The following PPM1F variants were observed in gnomAD, a reference collection of about 807,000 sequenced individuals.
The protein encoded by PPM1F is protein phosphatase, Mg2+/Mn2+ dependent 1F.
In PPM1F, 17 loss-of-function variants were observed where a neutral mutation model predicts 35.5. The observed-to-expected ratio is 0.48, with a 90% CI of 0.33 to 0.72. The LOEUF (loss-of-function observed/expected upper bound fraction) is 0.72, where lower values mean the gene tolerates loss of function less well. PPM1F is among the 30% of genes least tolerant of loss of function. The pLI is 0.02. For missense variants in PPM1F, 521 were observed against 613.0 expected, an observed-to-expected ratio of 0.85 and a Z score of 1.59; for synonymous variants, 241 against 255.5, an observed-to-expected ratio of 0.94 and a Z score of 0.54.
chr22:21,933,682 T>G, intron 4 of PPM1F, 103 bp from the exon 5 acceptor site: 1 of 1,113,824 alleles, frequency 9.0e-7, no homozygotes, highest in Admixed American at 2.2e-5. Flanking sequence ...AGAATCAGTA[T>G]GGCCTTCGCC....
intron 7 of PPM1F, chr22:21,925,115 G>C (rs192832458): frequency 1.1e-3 from 231 of 209,292 alleles, no homozygotes; most frequent in Middle Eastern, 3.3e-3. Flanking sequence ...GGCTGGTCTC[G>C]AACTCCCGAC....
chr22:21,939,373 C>T lies in PPM1F; in HGVS notation c.355+159G>A, dbSNP rs991359685. 1.0e-6 allele frequency: 1 copy of T among 961,620 alleles called. No homozygotes were observed. Among genetic ancestry groups the T allele is most frequent in the Non-Finnish European group, 1.5e-6 (1 of 651,848 alleles). 59.6% of individuals were successfully genotyped at this position (961,620 alleles called of 1,614,324 possible). A position where few individuals can be genotyped will look rare whatever the true frequency, so the allele number is the denominator to read the frequency against. ...GCTGTGACCGCCACCCTCCACCTCA[C>T]TGGGGCCGCAAGCCTTCTCTGCTCC... On this transcript the variant is annotated intron_variant, in intron 3 of 7. Transcript: ENST00000263212. This position sits in a 1 kb window ranked among gnomAD's most constrained non-coding sequence, Gnocchi z 5.1.
At chr22:21,940,180 A>G (rs1057254852) in intron 2 of PPM1F, among the ~76,000 whole-genome samples, 1 of 152,178 alleles carries the variant, frequency 6.6e-6, no homozygotes, top group African/African-American at 2.4e-5. Flanking sequence ...GTCTCTATGA[A>G]AAAGGGAATT....
chr22:21,923,845 TTG>T (rs2070478341), intron 7 of PPM1F, among the ~76,000 whole-genome samples: 1 of 148,146 alleles, frequency 6.8e-6, no homozygotes, highest in Admixed American at 6.8e-5. Context: ...GCCCAGCTAA[TTG>T]TTTTTTTTTT....
In PPM1F at chr22:21,923,404, G is replaced by A. The variant is rs772336101; in HGVS notation, c.1053C>T (p.Ser351=). 20 of 1,613,664 alleles carry A rather than the reference G, an allele frequency of 1.2e-5. No individual in the cohort carries two copies. The highest frequency in any genetic ancestry group is 5.3e-5 in the African/African-American group (4 of 74,924). The change falls in exon 8 of 8, where the codon TCC becomes TCT. Residue 351 remains serine, a synonymous_variant. Transcript: ENST00000263212. ...CACAGGCAAGCAGCAGGTAGTCCTC[G>A]GAGCCCGTCAGCGCCCGGGAAGCTG... ...ADAASRALTG[S]EDYLLLACDG...
At position 21,947,235 on chromosome 22, in the gene PPM1F, C is replaced by G. The variant is rs117947940; in HGVS notation, c.-60-1127G>C. 2.8e-4 allele frequency: 43 copies of G among 152,996 alleles called. No individual in the cohort carries two copies. The East Asian group carries it at 8.1e-3, about 29-fold the overall frequency. The allele number at this position is 152,996 out of a possible 1,614,324, so 9.5% of individuals were successfully genotyped here. On this transcript the variant is annotated intron_variant, in intron 1 of 7. Transcript: ENST00000263212. The stretch of plus-strand genomic sequence containing the variant: ...CCCAAACAGCTCTCCAGCGCCCCCC[C>G]TTCCATGTTCTTTGCGTCGCCCCGG...
At position 21,939,620 on chromosome 22, in the gene PPM1F, C is replaced by G. The variant is rs753994387; in HGVS notation, c.267G>C (p.Gln89His). Reference protein sequence around the residue: ...LAHEAVSQLLQTDLSEFRKLP... With the variant: ...LAHEAVSQLLHTDLSEFRKLP... ...ACTTCCTGAATTCGGAAAGGTCTGT[C>G]TGTAGCAGCTGTGAAACTGCTTCGT... Residue 89 changes from glutamine to histidine, a missense_variant, in exon 3 of 8, where the codon CAG becomes CAC. Gln to His is a conservative substitution (Grantham distance 24). Transcript: ENST00000263212. This position sits in a 1 kb window ranked among gnomAD's most constrained non-coding sequence, Gnocchi z 5.1. 5.8e-6 allele frequency: 9 copies of G among 1,559,684 alleles called. No homozygotes were observed. Among genetic ancestry groups the G allele is most frequent in the Non-Finnish European group, 8.7e-7 (1 of 1,150,726 alleles).
At chr22:21,934,968 C>A (rs2070642760) in intron 3 of PPM1F, 1 of 150,736 alleles carries the variant, frequency 6.6e-6, no homozygotes, top group South Asian at 2.1e-4. Context: ...ACGAAATATG[C>A]AACTCCCATA....
At chr22:21,941,098 A>G (rs940781744) in intron 2 of PPM1F, 1 of 152,212 alleles carries the variant, frequency 6.6e-6, no homozygotes, top group African/African-American at 2.4e-5. Flanking sequence ...ATTTTTTTGT[A>G]CAGGTGGGGT....
intron 1 of PPM1F, chr22:21,950,092 G>A (rs2070819559): frequency 6.6e-6 from 1 of 152,342 alleles, no homozygotes; most frequent in Non-Finnish European, 1.5e-5. Flanking sequence ...TGGGGAACCT[G>A]GGCCTTAACT....
chr22:21,929,731 CTGGGCAAG>C (rs796631138), intron 6 of PPM1F, among the ~76,000 whole-genome samples: 3 of 152,246 alleles, frequency 2.0e-5, no homozygotes, highest in African/African-American at 7.2e-5. Flanking sequence ...GCGGTGTGCT[CTGGGCAAG>C]TGACTGAGCC....
At chr22:21,937,503 T>G (rs1304912857) in intron 3 of PPM1F, among the ~76,000 whole-genome samples, 1 of 152,178 alleles carries the variant, frequency 6.6e-6, no homozygotes, top group African/African-American at 2.4e-5. Context: ...CACACAAGTT[T>G]GGCCAGTGGA....
chr22:21,951,417 G>A (rs2070837282), intron 1 of PPM1F: 1 of 148,308 alleles, frequency 6.7e-6, no homozygotes. Flanking sequence ...GTGCAATGGT[G>A]GGATCTCAGC....
chr22:21,944,318 C>T (rs1444708849), intron 2 of PPM1F: 1 of 152,234 alleles, frequency 6.6e-6, no homozygotes, highest in Non-Finnish European at 1.5e-5. Context: ...TGACACTTAG[C>T]AATGTTTGTG....
intron 6 of PPM1F, 27 bp from the exon 7 acceptor site, chr22:21,925,689 G>A: frequency 1.3e-6 from 2 of 1,550,026 alleles, no homozygotes; most frequent in Non-Finnish European, 1.8e-6. Flanking sequence ...AGAGTTGGGG[G>A]CAGGGCCGGG....
At chr22:21,946,270 G>C (rs2145808112) in intron 1 of PPM1F, 162 bp from the exon 2 acceptor site, 1 of 413,100 alleles carries the variant, frequency 2.4e-6, no homozygotes, top group African/African-American at 2.1e-5. Flanking sequence ...AGTCCAGGTG[G>C]GGACTTGTGG....
At chr22:21,942,624 G>A (rs1183135160) in intron 2 of PPM1F, 2 of 152,274 alleles carry the variant, frequency 1.3e-5, no homozygotes, top group Non-Finnish European at 2.9e-5. Context: ...GGTGAGGCCA[G>A]GCCTCAGCTT....
chr22:21,939,406 T>C lies in PPM1F; in HGVS notation c.355+126A>G. On this transcript the variant is annotated intron_variant, in intron 3 of 7. Coordinates refer to ENST00000263212, the MANE Select transcript of PPM1F (RefSeq NM_014634.4). This position sits in a 1 kb window ranked among gnomAD's most constrained non-coding sequence, Gnocchi z 5.1. ...GCAAGCCTTCTCTGCTCCTTGATTC[T>C]GCTGCCGTTGTGAGCGAGGGCCCCA... 1 of 1,282,474 alleles carries C rather than the reference T, an allele frequency of 7.8e-7. No homozygotes were observed. Among genetic ancestry groups the C allele is most frequent in the Non-Finnish European group, 1.1e-6 (1 of 928,678 alleles). 79.4% of individuals were successfully genotyped at this position (1,282,474 alleles called of 1,614,324 possible).
chr22:21,945,733 T>C (rs2070769892), intron 2 of PPM1F, 110 bp downstream of exon 2: 1 of 1,153,518 alleles, frequency 8.7e-7, no homozygotes, highest in Non-Finnish European at 1.2e-6. Context: ...GATCCGGGGC[T>C]GCAGATCCCC....
Sources: allele counts gnomAD v4.1 joint callset (sites outside exome capture counted in the v4.1 genomes callset), GRCh38; gene constraint gnomAD v4.1.1; non-coding constraint Gnocchi (gnomAD v3.1); transcripts MANE v1.5; gene names NCBI Gene and HGNC (gene_info 2026-07-23, HGNC 2026-07-21).